The following CCDC7 variants were observed in gnomAD, a reference collection of about 807,000 sequenced individuals.
The protein encoded by CCDC7 is coiled-coil domain-containing protein 7.
Under a neutral mutation model 196.9 loss-of-function variants are expected in CCDC7, and 183 were observed. The ratio of observed to expected loss-of-function variants is 0.93; its 90% confidence interval spans 0.82 to 1.05. The LOEUF (loss-of-function observed/expected upper bound fraction) is 1.05. CCDC7 is among the 50% of genes least tolerant of loss of function. The pLI, the probability that CCDC7 is intolerant of heterozygous loss-of-function variation, is 0.00. For missense variants in CCDC7, 1,540 were observed against 1,482.2 expected (o/e 1.04, Z -0.64); for synonymous variants, 525 against 484.6 (o/e 1.08, Z -1.10).
intron 22 of CCDC7, 69 bp downstream of exon 23, chr10:32,686,149 G>A (rs773746669): frequency 2.6e-6 from 2 of 759,628 alleles, no homozygotes; most frequent in Non-Finnish European, 4.1e-6. Flanking sequence ...TTTTTCTTCA[G>A]TTCATGAATC....
rs138848016 is a variant in CCDC7, at chr10:32,816,967, C to T, written c.3181+2514C>T. ...AAGGAAAGCAGCTCCTCACAAGCAA[C>T]GGAACAAAGCTGGATGGAGAATGAC... is the stretch of plus-strand genomic sequence containing the variant. On this transcript the variant is annotated intron_variant, in intron 31 of 41. Transcript: ENST00000639629. 6.1e-3 allele frequency among the ~76,000 whole-genome samples: 934 copies of T among 152,238 alleles called. 9 individuals are homozygous for T. Among genetic ancestry groups the T allele is most frequent in the African/African-American group, 0.021 (866 of 41,536 alleles).
intron 12 of CCDC7, 142 bp from the exon 14 acceptor site, chr10:32,544,105 G>T: frequency 1.7e-6 from 1 of 600,916 alleles, no homozygotes. Context: ...TAGCCTGTAT[G>T]AATTTTATGT....
chr10:32,714,129 A>G (rs1413966241), intron 25 of CCDC7, among the ~76,000 whole-genome samples: 6 of 152,222 alleles, frequency 3.9e-5, no homozygotes, highest in Non-Finnish European at 8.8e-5. Flanking sequence ...AAATAGGAAC[A>G]GCTCCAGTCT....
intron 18 of CCDC7, among the ~76,000 whole-genome samples, chr10:32,626,439 T>A (rs2064053851): frequency 6.6e-6 from 1 of 152,012 alleles, no homozygotes; most frequent in Non-Finnish European, 1.5e-5. Flanking sequence ...TTGAATTTAG[T>A]TCCTTATATA....
intron 13 of CCDC7, among the ~76,000 whole-genome samples, chr10:32,547,247 G>C (rs2052629749): frequency 6.6e-6 from 1 of 152,030 alleles, no homozygotes; most frequent in Non-Finnish European, 1.5e-5. Flanking sequence ...GGCTGGTCTT[G>C]GATTCCTGGC....
intron 5 of CCDC7, among the ~76,000 whole-genome samples, chr10:32,465,135 C>T (rs566815230): frequency 4.0e-5 from 6 of 148,712 alleles, no homozygotes; most frequent in Non-Finnish European, 3.0e-5. Flanking sequence ...AAGTATTCAA[C>T]GAATAAACTG....
chr10:32,533,888 G>A (rs1013682902), intron 11 of CCDC7, among the ~76,000 whole-genome samples: 2 of 151,904 alleles, frequency 1.3e-5, no homozygotes, highest in Admixed American at 1.3e-4. Context: ...TCTTACTTGG[G>A]TTGAATCTTT....
chr10:32,648,842 A>C (rs1591504), intron 20 of CCDC7, among the ~76,000 whole-genome samples: 140,654 of 152,240 alleles, frequency 0.92, 65,957 homozygotes, highest in East Asian at 1. Context: ...GTCCTTTGTC[A>C]ACTTTTTTAT....
intron 41 of CCDC7, among the ~76,000 whole-genome samples, chr10:32,868,842 C>G (rs1039895227): frequency 1.3e-5 from 2 of 150,924 alleles, no homozygotes; most frequent in African/African-American, 4.9e-5. Flanking sequence ...CCTTCCGATA[C>G]TTTGCTGAGA....
At chr10:32,552,969 T>C (rs747791573) in intron 13 of CCDC7, among the ~76,000 whole-genome samples, 19 of 152,152 alleles carry the variant, frequency 1.2e-4, no homozygotes, top group Non-Finnish European at 2.2e-4. Flanking sequence ...TCTAGATCTT[T>C]AGCAAGGCTG....
At chr10:32,816,418 T>C (rs2088567660) in intron 31 of CCDC7, among the ~76,000 whole-genome samples, 1 of 152,172 alleles carries the variant, frequency 6.6e-6, no homozygotes, top group South Asian at 2.1e-4. Flanking sequence ...GGGCAGGGCA[T>C]TGCCAAACAA....
intron 32 of CCDC7, among the ~76,000 whole-genome samples, chr10:32,827,080 G>A (rs2135747703): frequency 6.6e-6 from 1 of 152,338 alleles, no homozygotes; most frequent in African/African-American, 2.4e-5. Context: ...AGCAGAGGAG[G>A]ATTTTAATAA....
intron 28 of CCDC7, among the ~76,000 whole-genome samples, chr10:32,731,106 T>C (rs1297960996): frequency 6.6e-6 from 1 of 152,120 alleles, no homozygotes; most frequent in Non-Finnish European, 1.5e-5. Flanking sequence ...ATTTTCCTTA[T>C]ACTGTCTATG....
intron 24 of CCDC7, among the ~76,000 whole-genome samples, chr10:32,701,845 T>G (rs1264760053): frequency 6.6e-6 from 1 of 152,218 alleles, no homozygotes; most frequent in Middle Eastern, 3.2e-3. Flanking sequence ...TTTGTATTTC[T>G]GTGGGATCGG....
intron 20 of CCDC7, among the ~76,000 whole-genome samples, chr10:32,653,844 T>C (rs894910313): frequency 1.3e-5 from 2 of 152,224 alleles, no homozygotes; most frequent in African/African-American, 4.8e-5. Flanking sequence ...ATGGAACTTC[T>C]TGATGTGAAG....
At chr10:32,882,136 T>C (rs558884880), downstream of CCDC7, among the ~76,000 whole-genome samples, 1 of 152,224 alleles carries the variant, frequency 6.6e-6, no homozygotes, top group African/African-American at 2.4e-5. Context: ...ACCATTGCAA[T>C]AGAAGAGGGA....
chr10:32,560,475 C>T (rs985817329), intron 13 of CCDC7, among the ~76,000 whole-genome samples: 2 of 152,166 alleles, frequency 1.3e-5, no homozygotes, highest in African/African-American at 4.8e-5. Context: ...GCGGATCTCT[C>T]AGCAGAAACT....
chr10:32,668,574 G>C (rs2073343654), intron 21 of CCDC7, among the ~76,000 whole-genome samples: 1 of 152,080 alleles, frequency 6.6e-6, no homozygotes, highest in Non-Finnish European at 1.5e-5. Context: ...GAATTTTTTA[G>C]CATGAAGGGC....
chr10:32,700,813 A>G (rs1390733262), intron 24 of CCDC7, among the ~76,000 whole-genome samples: 1 of 152,134 alleles, frequency 6.6e-6, no homozygotes, highest in African/African-American at 2.4e-5. Flanking sequence ...TTTTCTTTGA[A>G]GCAAATGTGA....
Sources: allele counts gnomAD v4.1 joint callset (sites outside exome capture counted in the v4.1 genomes callset), GRCh38; gene constraint gnomAD v4.1.1; transcripts MANE v1.5; gene names NCBI Gene and HGNC (gene_info 2026-07-23, HGNC 2026-07-21).